DPP10: variants seen among roughly 807,000 people sequenced by gnomAD.
The protein encoded by DPP10 is dipeptidyl peptidase like 10, also known as inactive dipeptidyl peptidase 10.
DPP10 carries 33 observed loss-of-function variants against 120.9 expected under a neutral mutation model. That is an observed-to-expected ratio of 0.27 (90% CI 0.21 to 0.37). The LOEUF (loss-of-function observed/expected upper bound fraction) is 0.37, where lower values mean the gene tolerates loss of function less well. Among genes scored for constraint, DPP10 ranks in the 10% least tolerant of loss-of-function variants. The pLI is 1.00. For missense variants in DPP10, 816 were observed against 942.8 expected (o/e 0.87, Z 1.76); for synonymous variants, 337 against 326.1 (o/e 1.03, Z -0.36).
chr2:115,707,492 A>C lies in DPP10; in HGVS notation c.576+17571A>C, dbSNP rs911399221. ...CTCCACATTTTTTATTGGAATACGA[A>C]TATATCTAATAAGTAATATAGTATT... On this transcript the variant is annotated intron_variant, in intron 7 of 25. Transcript: ENST00000410059. 4.6e-5 allele frequency among the ~76,000 whole-genome samples: 7 copies of C among 151,646 alleles called. No homozygotes were observed. In the East Asian group the frequency reaches 1.4e-3, roughly 29 times the overall value.
At chr2:115,681,303 A>G (rs1052959175) in intron 5 of DPP10, among the ~76,000 whole-genome samples, 2 of 151,898 alleles carry the variant, frequency 1.3e-5, no homozygotes, top group Admixed American at 1.3e-4. Context: ...AGCTATTAAT[A>G]GGTAAATACA....
chr2:115,109,527 T>C lies in DPP10; in HGVS notation c.61-199712T>C, dbSNP rs576639286. ...CTCCAGCCTGGCAACAGAGCGAGAC[T>C]CCGTCTCAAAAAAAAAAGAAAAAAA... On this transcript the variant is annotated intron_variant, in intron 1 of 25. Transcript: ENST00000410059. Among the ~76,000 whole-genome samples, 559 of 146,576 alleles carry C rather than the reference T, an allele frequency of 3.8e-3. 1 individual carries two copies. Among genetic ancestry groups the C allele is most frequent in the African/African-American group, 0.014 (525 of 38,394 alleles).
At chr2:114,836,344 C>T (rs1023756123) in intron 1 of DPP10, among the ~76,000 whole-genome samples, 2 of 152,026 alleles carry the variant, frequency 1.3e-5, no homozygotes, top group Non-Finnish European at 2.9e-5. Flanking sequence ...TAAGCATTGG[C>T]CAGTTTGGGA....
intron 1 of DPP10, among the ~76,000 whole-genome samples, chr2:115,095,966 A>G (rs1411583880): frequency 6.6e-6 from 1 of 152,190 alleles, no homozygotes. Flanking sequence ...CTTCATGGGT[A>G]GGGTGAAGAT....
chr2:115,696,016 A>G (rs1284154293), intron 7 of DPP10, among the ~76,000 whole-genome samples: 1 of 152,152 alleles, frequency 6.6e-6, no homozygotes, highest in East Asian at 1.9e-4. Context: ...AGAAGAAAGA[A>G]GTAGTGAAAC....
chr2:115,724,103 T>G (rs1444377014), intron 7 of DPP10, among the ~76,000 whole-genome samples: 1 of 152,244 alleles, frequency 6.6e-6, no homozygotes, highest in Non-Finnish European at 1.5e-5. Context: ...AGTGCTGCTA[T>G]TGTAGGTTTG....
chr2:114,684,212 A>G (rs1189873611), intron 1 of DPP10, among the ~76,000 whole-genome samples: 5 of 151,918 alleles, frequency 3.3e-5, no homozygotes, highest in Non-Finnish European at 5.9e-5. Context: ...GAACTGAAAT[A>G]CAAGTAGACC....
intron 1 of DPP10, among the ~76,000 whole-genome samples, chr2:114,568,219 G>A (rs962768635): frequency 6.6e-6 from 1 of 152,042 alleles, no homozygotes; most frequent in Non-Finnish European, 1.5e-5. Flanking sequence ...ACATGTGAGT[G>A]TTGCATGCAT....
intron 1 of DPP10, among the ~76,000 whole-genome samples, chr2:115,298,621 G>A (rs945921813): frequency 2.0e-5 from 3 of 152,016 alleles, no homozygotes; most frequent in African/African-American, 7.2e-5. Context: ...CAGGGGTGAA[G>A]CTGACCATAT....
At chr2:115,507,099 A>C (rs542321917) in intron 4 of DPP10, among the ~76,000 whole-genome samples, 8 of 152,004 alleles carry the variant, frequency 5.3e-5, no homozygotes, top group African/African-American at 1.9e-4. Flanking sequence ...ATTATTATGA[A>C]CTACTACTCT....
At chr2:114,959,430 T>G (rs1408595772) in intron 1 of DPP10, among the ~76,000 whole-genome samples, 1 of 152,214 alleles carries the variant, frequency 6.6e-6, no homozygotes, top group African/African-American at 2.4e-5. Context: ...TCAAAGAATA[T>G]TTCATGGTAA....
In DPP10 at chr2:114,635,871, G is replaced by T. The variant is rs532484101; in HGVS notation, c.60+193033G>T. 2.0e-5 allele frequency among the ~76,000 whole-genome samples: 3 copies of T among 152,014 alleles called. No individual in the cohort carries two copies. In the East Asian group the frequency reaches 5.8e-4, roughly 29 times the overall value. ...TAAGTAGCATAGTTTTTTAAAACATGAGGATATTCCAAATGTTGACAGACT... is the reference window on the plus strand; with the variant it reads ...TAAGTAGCATAGTTTTTTAAAACATTAGGATATTCCAAATGTTGACAGACT... On this transcript the variant is annotated intron_variant, in intron 1 of 25. Coordinates refer to ENST00000410059, the MANE Select transcript of DPP10 (RefSeq NM_020868.6).
chr2:114,664,541 A>C (rs1697746384), intron 1 of DPP10, among the ~76,000 whole-genome samples: 1 of 151,248 alleles, frequency 6.6e-6, no homozygotes, highest in Non-Finnish European at 1.5e-5. Context: ...AGGCAGGAGA[A>C]TCACTTAAAC....
intron 1 of DPP10, among the ~76,000 whole-genome samples, chr2:115,132,872 T>G (rs910513240): frequency 3.3e-5 from 5 of 152,054 alleles, no homozygotes; most frequent in African/African-American, 1.2e-4. Context: ...CTTTACATCT[T>G]GATTTATACC....
chr2:115,272,118 G>A (rs1190993291), intron 1 of DPP10, among the ~76,000 whole-genome samples: 1 of 152,046 alleles, frequency 6.6e-6, no homozygotes, highest in Non-Finnish European at 1.5e-5. Context: ...ATAAATTGTT[G>A]TTGCTGTTGT....
chr2:114,545,287 A>G (rs1456776309), intron 1 of DPP10, among the ~76,000 whole-genome samples: 1 of 151,890 alleles, frequency 6.6e-6, no homozygotes, highest in Admixed American at 6.6e-5. Flanking sequence ...ATTATAATTA[A>G]TTTCACTTTC....
At chr2:115,403,674 G>C (rs13425908) in intron 3 of DPP10, among the ~76,000 whole-genome samples, 1 of 152,050 alleles carries the variant, frequency 6.6e-6, no homozygotes, top group Non-Finnish European at 1.5e-5. Context: ...AAAGTGCTGA[G>C]ATTATAGGCA....
intron 21 of DPP10, among the ~76,000 whole-genome samples, chr2:115,821,267 G>A (rs566968550): frequency 6.6e-6 from 1 of 151,990 alleles, no homozygotes; most frequent in African/African-American, 2.4e-5. Context: ...ACATTTTAAG[G>A]CTATTATTAT....
At chr2:114,457,072 G>A (rs1276506653) in intron 1 of DPP10, among the ~76,000 whole-genome samples, 2 of 152,194 alleles carry the variant, frequency 1.3e-5, no homozygotes, top group South Asian at 2.1e-4. Context: ...TAGATTAAGA[G>A]TAAGATCAAG....
Sources: allele counts gnomAD v4.1 joint callset (sites outside exome capture counted in the v4.1 genomes callset), GRCh38; gene constraint gnomAD v4.1.1; transcripts MANE v1.5; gene names NCBI Gene and HGNC (gene_info 2026-07-23, HGNC 2026-07-21).